CSMD1: variants seen among roughly 807,000 people sequenced by gnomAD.
The protein encoded by CSMD1 is CUB and Sushi multiple domains 1, also known as CUB and sushi domain-containing protein 1.
CSMD1 carries 213 observed loss-of-function variants against 417.5 expected under a neutral mutation model. That is an observed-to-expected ratio of 0.51 (90% CI 0.46 to 0.57). The LOEUF is 0.57. Among genes scored for constraint, CSMD1 ranks in the 20% least tolerant of loss-of-function variants. CSMD1 has a pLI of 0.00. For missense variants in CSMD1, 6,923 were observed against 4,529.7 expected, an observed-to-expected ratio of 1.53 and a Z score of -15.17; for synonymous variants, 2,862 against 1,736.8, an observed-to-expected ratio of 1.65 and a Z score of -16.11.
intron 2 of CSMD1, among the ~76,000 whole-genome samples, chr8:4,438,798 G>T (rs532191392): frequency 7.9e-5 from 12 of 152,192 alleles, no homozygotes; most frequent in Non-Finnish European, 1.5e-4. Context: ...AGGATCAAAA[G>T]ATTTGCTTAT....
chr8:3,634,450 T>C (rs1401024231), intron 7 of CSMD1, among the ~76,000 whole-genome samples: 1 of 152,158 alleles, frequency 6.6e-6, no homozygotes, highest in East Asian at 1.9e-4. Context: ...CTGGGAGAAT[T>C]AATGCTGTCG....
chr8:3,594,205 A>G (rs538896328), intron 8 of CSMD1, among the ~76,000 whole-genome samples: 60 of 152,266 alleles, frequency 3.9e-4, no homozygotes, highest in Non-Finnish European at 7.5e-4. Context: ...CCCCAAATGC[A>G]CCAGACATGA....
chr8:3,723,906 T>C lies in CSMD1; in HGVS notation c.932-15415A>G, dbSNP rs553058790. Reference sequence around the variant, plus strand: ...TAATAAAGTGCAAAAAGTTGACTTATATGGATGCAGATTCCATTTTGTAGC... The same window carrying C: ...TAATAAAGTGCAAAAAGTTGACTTACATGGATGCAGATTCCATTTTGTAGC... On this transcript the variant is annotated intron_variant, in intron 6 of 69. Transcript: ENST00000635120. 7.9e-5 allele frequency among the ~76,000 whole-genome samples: 12 copies of C among 152,352 alleles called. No individual in the cohort carries two copies. The East Asian group carries it at 1.7e-3, about 22-fold the overall frequency.
chr8:4,231,647 T>C (rs1801741132), intron 3 of CSMD1, among the ~76,000 whole-genome samples: 1 of 152,202 alleles, frequency 6.6e-6, no homozygotes, highest in Admixed American at 6.5e-5. Flanking sequence ...GCAGGCTCTG[T>C]CTGATAAGTA....
At chr8:4,865,793 C>A (rs1444027210) in intron 1 of CSMD1, among the ~76,000 whole-genome samples, 1 of 151,786 alleles carries the variant, frequency 6.6e-6, no homozygotes, top group African/African-American at 2.4e-5. Context: ...TATGCATTGC[C>A]CAGTTTTTTA....
chr8:3,832,635 T>C (rs1195238934), intron 5 of CSMD1, among the ~76,000 whole-genome samples: 1 of 152,124 alleles, frequency 6.6e-6, no homozygotes, highest in Non-Finnish European at 1.5e-5. Context: ...GAGTCGAAGA[T>C]TTCAAGTACT....
intron 2 of CSMD1, among the ~76,000 whole-genome samples, chr8:4,456,199 G>T (rs953766759): frequency 6.6e-6 from 1 of 151,910 alleles, no homozygotes; most frequent in African/African-American, 2.4e-5. Flanking sequence ...TTTATTACAG[G>T]TTTTTAAAGC....
chr8:3,937,903 A>T (rs1742009765), intron 5 of CSMD1, among the ~76,000 whole-genome samples: 1 of 152,200 alleles, frequency 6.6e-6, no homozygotes, highest in African/African-American at 2.4e-5. Context: ...TGATTTAAAG[A>T]GTTATAAAAC....
chr8:4,146,029 T>G (rs1804097149), intron 3 of CSMD1, among the ~76,000 whole-genome samples: 2 of 150,762 alleles, frequency 1.3e-5, no homozygotes, highest in Admixed American at 6.6e-5. Flanking sequence ...AAAAATCTGT[T>G]GGGGAGTGAA....
intron 2 of CSMD1, among the ~76,000 whole-genome samples, chr8:4,532,912 G>A (rs1425440965): frequency 6.6e-6 from 1 of 151,248 alleles, no homozygotes; most frequent in Admixed American, 6.6e-5. Context: ...AGTCACTCCG[G>A]AAGAGAAATC....
intron 26 of CSMD1, among the ~76,000 whole-genome samples, chr8:3,261,300 T>A (rs1801043093): frequency 6.6e-6 from 1 of 152,194 alleles, no homozygotes; most frequent in African/African-American, 2.4e-5. Flanking sequence ...TCTGGAAAAT[T>A]ATTTGGCAGT....
At chr8:3,040,472 A>ATC (rs1811014493) in intron 50 of CSMD1, among the ~76,000 whole-genome samples, 2 of 147,390 alleles carry the variant, frequency 1.4e-5, no homozygotes, top group African/African-American at 5.1e-5. Context: ...ATCTATCTAT[A>ATC]TATATAAACA....
At chr8:4,142,465 C>G (rs1803848704) in intron 3 of CSMD1, among the ~76,000 whole-genome samples, 2 of 151,340 alleles carry the variant, frequency 1.3e-5, no homozygotes, top group Non-Finnish European at 2.9e-5. Context: ...TGAGAATAAT[C>G]TACCTTGTTA....
chr8:4,676,921 T>A (rs994429153), intron 1 of CSMD1, among the ~76,000 whole-genome samples: 69 of 148,088 alleles, frequency 4.7e-4, no homozygotes, highest in African/African-American at 1.6e-3. Context: ...TTTATATACA[T>A]AGAGAGAGAT....
rs530329210 is a variant in CSMD1, at chr8:4,705,694, G to A, written c.86-68136C>T. On this transcript the variant is annotated intron_variant, in intron 1 of 69. Coordinates refer to ENST00000635120, the MANE Select transcript of CSMD1 (RefSeq NM_033225.6). ...TGTCATATGAATATCACTCTTTTCT[G>A]AGTGTCTCTTTAACGTCTGAAACCA... Among the ~76,000 whole-genome samples, 5 of 152,140 alleles carry A rather than the reference G, an allele frequency of 3.3e-5. No homozygotes were observed. In the South Asian group the frequency reaches 1.0e-3, roughly 32 times the overall value.
At chr8:4,345,458 C>G (rs1028926672) in intron 3 of CSMD1, among the ~76,000 whole-genome samples, 5 of 151,710 alleles carry the variant, frequency 3.3e-5, no homozygotes, top group Non-Finnish European at 4.4e-5. Flanking sequence ...AAATAGATAA[C>G]TGGAATTACA....
chr8:3,295,372 C>T (rs11781799), intron 25 of CSMD1, among the ~76,000 whole-genome samples: 74,674 of 151,462 alleles, frequency 0.49, 20,681 homozygotes, highest in South Asian at 0.64. Flanking sequence ...GTGATCCACC[C>T]GCCTCGGCCT....
rs947694102 is a variant in CSMD1 at position 4,701,351 on chromosome 8, T to C, written c.86-63793A>G. On this transcript the variant is annotated intron_variant, in intron 1 of 69. Transcript: ENST00000635120. ...TTTTTAACTCTGCTTAAGAACTTAC[T>C]ACTCCTTTGTTTATCTTGCCAGGCA... 4.6e-5 allele frequency among the ~76,000 whole-genome samples: 7 copies of C among 151,358 alleles called. No individual in the cohort carries two copies. The East Asian group carries it at 1.4e-3, about 30-fold the overall frequency.
intron 17 of CSMD1, among the ~76,000 whole-genome samples, chr8:3,392,194 C>T (rs1811390769): frequency 6.6e-6 from 1 of 151,816 alleles, no homozygotes. Context: ...CAACATGGCA[C>T]ATGTATACAT....
Sources: allele counts gnomAD v4.1 joint callset (sites outside exome capture counted in the v4.1 genomes callset), GRCh38; gene constraint gnomAD v4.1.1; transcripts MANE v1.5; gene names NCBI Gene and HGNC (gene_info 2026-07-23, HGNC 2026-07-21).